Variants in STIM1 observed in about 807,000 individuals in gnomAD.
The protein encoded by STIM1 is stromal interaction molecule 1.
A neutral mutation model predicts 74.7 loss-of-function variants in STIM1; 25 were observed. The observed-to-expected ratio is 0.33, with a 90% confidence interval of 0.24 to 0.47. STIM1 has a LOEUF of 0.47. Among genes scored for constraint, STIM1 ranks in the 20% least tolerant of loss-of-function variants. The probability of loss-of-function intolerance (pLI) is 1.00; values close to 1 mark genes in which losing one functional copy is unlikely to be tolerated. For missense variants in STIM1, 728 were observed against 920.8 expected, an observed-to-expected ratio of 0.79 and a Z score of 2.71; for synonymous variants, 328 against 348.8, an observed-to-expected ratio of 0.94 and a Z score of 0.66.
chr11:3,895,841 C>CTCTT (rs1233625580), intron 1 of STIM1, among the ~76,000 whole-genome samples: 1 of 111,496 alleles, frequency 9.0e-6, no homozygotes, highest in Non-Finnish European at 1.7e-5. Flanking sequence ...TTCTTTCTTT[C>CTCTT]TCTTTCTTTC....
intron 1 of STIM1, among the ~76,000 whole-genome samples, chr11:3,902,425 A>G (rs561718363): frequency 1.4e-4 from 22 of 152,302 alleles, no homozygotes; most frequent in Admixed American, 3.9e-4. Context: ...TAATTTTTCC[A>G]CAGACCAGGG....
At chr11:3,971,360 T>A (rs532460351) in intron 2 of STIM1, among the ~76,000 whole-genome samples, 20 of 151,924 alleles carry the variant, frequency 1.3e-4, no homozygotes, top group Non-Finnish European at 2.8e-4. Context: ...AAACCCCGTC[T>A]CTACTAAAAA....
chr11:3,886,427 G>A (rs1304029548), intron 1 of STIM1, among the ~76,000 whole-genome samples: 2 of 152,140 alleles, frequency 1.3e-5, no homozygotes, highest in Non-Finnish European at 2.9e-5. Context: ...GGTGGCTCAC[G>A]CCTGTCATCC....
At chr11:4,032,498 C>G (rs2094059439) in intron 3 of STIM1, among the ~76,000 whole-genome samples, 2 of 152,112 alleles carry the variant, frequency 1.3e-5, no homozygotes, top group Non-Finnish European at 2.9e-5. Flanking sequence ...TGTTCTTTTT[C>G]AAGTTATTTT....
intron 3 of STIM1, among the ~76,000 whole-genome samples, chr11:4,030,326 CA>C (rs35716064): frequency 0.3 from 36,619 of 122,686 alleles, 7,798 homozygotes; most frequent in African/African-American, 0.63. Flanking sequence ...AACTCCATCT[CA>C]AAAAAAAAAA....
chr11:4,000,186 C>A (rs2093700681), intron 2 of STIM1, among the ~76,000 whole-genome samples: 1 of 142,276 alleles, frequency 7.0e-6, no homozygotes, highest in Admixed American at 7.2e-5. Flanking sequence ...ACAGCAGTAA[C>A]CTCTGCAGAC....
chr11:4,007,083 A>C (rs774252970), intron 2 of STIM1, among the ~76,000 whole-genome samples: 1 of 152,046 alleles, frequency 6.6e-6, no homozygotes, highest in Non-Finnish European at 1.5e-5. Context: ...ACTGCTTGAC[A>C]CTTGGGATGG....
At chr11:4,009,012 C>T (rs2093809001) in intron 2 of STIM1, among the ~76,000 whole-genome samples, 1 of 152,116 alleles carries the variant, frequency 6.6e-6, no homozygotes, top group Non-Finnish European at 1.5e-5. Context: ...TGCATTTTGG[C>T]TGGGTGCGGT....
intron 1 of STIM1, among the ~76,000 whole-genome samples, chr11:3,963,393 T>C (rs868310813): frequency 2.3e-4 from 35 of 152,214 alleles, no homozygotes; most frequent in African/African-American, 8.4e-4. Flanking sequence ...CCATCTCCAT[T>C]CATGTCCCTG....
intron 1 of STIM1, among the ~76,000 whole-genome samples, chr11:3,947,172 A>C (rs1308520681): frequency 6.6e-6 from 1 of 151,016 alleles, no homozygotes; most frequent in Non-Finnish European, 1.5e-5. Context: ...AGCTGTGGAC[A>C]GGAAACCCTT....
At position 3,884,712 on chromosome 11, in the gene STIM1, G is replaced by A. The variant is rs958163358; in HGVS notation, c.139+28303G>A. On this transcript the variant is annotated intron_variant, in intron 1 of 12. Transcript: ENST00000526596. ...TAGCAGTCCCCAAGAAGCTTGGGAGGTGGAGGTTGTGGTGAGCTGAGATTG... is the reference window on the plus strand; with the variant it reads ...TAGCAGTCCCCAAGAAGCTTGGGAGATGGAGGTTGTGGTGAGCTGAGATTG... 2.0e-5 allele frequency among the ~76,000 whole-genome samples: 3 copies of A among 151,998 alleles called. No homozygotes were observed. The South Asian group carries it at 6.2e-4, about 32-fold the overall frequency.
chr11:3,965,639 G>A (rs1433371821), intron 1 of STIM1, among the ~76,000 whole-genome samples: 1 of 152,200 alleles, frequency 6.6e-6, no homozygotes, highest in Admixed American at 6.5e-5. Context: ...CAGAACAAAT[G>A]TAGAGAGAAA....
At chr11:4,037,609 A>T (rs940953884) in intron 3 of STIM1, among the ~76,000 whole-genome samples, 1 of 152,044 alleles carries the variant, frequency 6.6e-6, no homozygotes. Context: ...GACTGTTGTT[A>T]GTTTGGAATG....
intron 2 of STIM1, among the ~76,000 whole-genome samples, chr11:4,011,887 A>G (rs903647724): frequency 6.6e-6 from 1 of 152,094 alleles, no homozygotes; most frequent in Non-Finnish European, 1.5e-5. Flanking sequence ...ATCCATCTCT[A>G]GTTAATTTTT....
intron 1 of STIM1, among the ~76,000 whole-genome samples, chr11:3,881,123 C>T (rs1470450256): frequency 6.9e-6 from 1 of 145,456 alleles, no homozygotes; most frequent in Non-Finnish European, 1.5e-5. Context: ...AATCACATAA[C>T]ATAAAATTAA....
At chr11:3,921,997 A>T (rs2092723314) in intron 1 of STIM1, 1 of 152,216 alleles carries the variant, frequency 6.6e-6, no homozygotes, top group Admixed American at 6.5e-5. Flanking sequence ...AAGAGACCAG[A>T]GCCATAGCCA....
intron 2 of STIM1, among the ~76,000 whole-genome samples, chr11:4,000,426 A>T (rs1393330435): frequency 5.3e-5 from 8 of 152,050 alleles, no homozygotes; most frequent in Non-Finnish European, 1.0e-4. Flanking sequence ...TTCGCGGATC[A>T]TGAAAATCCG....
chr11:3,962,242 C>T (rs922875531), intron 1 of STIM1, among the ~76,000 whole-genome samples: 3 of 152,152 alleles, frequency 2.0e-5, no homozygotes, highest in Non-Finnish European at 4.4e-5. Context: ...CTCCCCCACT[C>T]CTGGCAACTT....
At chr11:3,990,169 T>C (rs1365147635) in intron 2 of STIM1, among the ~76,000 whole-genome samples, 1 of 152,222 alleles carries the variant, frequency 6.6e-6, no homozygotes, top group African/African-American at 2.4e-5. Context: ...GTAACTAGCT[T>C]TTTTCACTTA....
Sources: gnomAD v4.1 joint callset for allele counts (sites outside exome capture counted in the v4.1 genomes callset) on GRCh38, gnomAD v4.1.1 for gene constraint, MANE v1.5 for transcripts, NCBI Gene and HGNC (gene_info 2026-07-23, HGNC 2026-07-21) for gene names.